The following MGST2 variants were observed in gnomAD, a reference collection of about 807,000 sequenced individuals.
MGST2 encodes the protein glutathione peroxidase MGST2.
Under a neutral mutation model 16.6 loss-of-function variants are expected in MGST2, and 9 were observed. The observed-to-expected ratio is 0.54, with a 90% CI of 0.33 to 0.95. The LOEUF is 0.95. MGST2 is among the 40% of genes least tolerant of loss of function. MGST2 has a pLI of 0.03. For synonymous variants in MGST2, 79 were observed against 68.0 expected, an observed-to-expected ratio of 1.16 and a Z score of -0.79; for missense variants, 159 against 175.1, an observed-to-expected ratio of 0.91 and a Z score of 0.52.
At chr4:139,737,476 G>T (rs1728991891) in intron 5 of MGST2, among the ~76,000 whole-genome samples, 1 of 152,000 alleles carries the variant, frequency 6.6e-6, no homozygotes, top group African/African-American at 2.4e-5. Context: ...AAGGGGGTGG[G>T]GAGAGGAATG....
At chr4:139,752,791 C>T in the MGST2 span, among the ~76,000 whole-genome samples, 1 of 152,190 alleles carries the variant, frequency 6.6e-6, no homozygotes, top group African/African-American at 2.4e-5. Flanking sequence ...AAGCTAGAGG[C>T]AGGCAATAAT....
At chr4:139,684,308 C>A (rs1579304467) in intron 2 of MGST2, among the ~76,000 whole-genome samples, 1 of 152,258 alleles carries the variant, frequency 6.6e-6, no homozygotes, top group African/African-American at 2.4e-5. Flanking sequence ...CAATTACCTC[C>A]CACCAGGTCC....
chr4:139,671,857 G>A (rs894611289), intron 1 of MGST2, among the ~76,000 whole-genome samples: 5 of 152,076 alleles, frequency 3.3e-5, no homozygotes, highest in African/African-American at 1.2e-4. Flanking sequence ...GGCCAGGCTG[G>A]TCTTGATCAC....
At chr4:139,744,199 T>C (rs1216097396), downstream of MGST2, among the ~76,000 whole-genome samples, 4 of 152,222 alleles carry the variant, frequency 2.6e-5, no homozygotes, top group Non-Finnish European at 5.9e-5. Context: ...ATTGCCAGGG[T>C]GGCTGACCTA....
chr4:139,691,688 G>GATT (rs1491530941), intron 2 of MGST2, among the ~76,000 whole-genome samples: 74 of 139,520 alleles, frequency 5.3e-4, no homozygotes, highest in East Asian at 1.4e-3. Flanking sequence ...TGATGATGAT[G>GATT]ATGATGATGA....
At chr4:139,703,173 C>A (rs528026065) in intron 3 of MGST2, among the ~76,000 whole-genome samples, 1 of 151,882 alleles carries the variant, frequency 6.6e-6, no homozygotes, top group Admixed American at 6.6e-5. Flanking sequence ...TGATTCACCC[C>A]CCCTCGGCCT....
intron 1 of MGST2, among the ~76,000 whole-genome samples, chr4:139,670,920 A>T (rs1730656200): frequency 6.6e-6 from 1 of 151,894 alleles, no homozygotes. Flanking sequence ...AAAAAAAAAA[A>T]AGATAAAGAG....
intron 1 of MGST2, among the ~76,000 whole-genome samples, chr4:139,677,035 A>G (rs767024463): frequency 1.3e-5 from 2 of 152,114 alleles, no homozygotes; most frequent in South Asian, 2.1e-4. Context: ...TCTGTATAAC[A>G]TGACTCCCTT....
intron 5 of MGST2, chr4:139,717,021 C>CTATT (rs1553949889): frequency 6.6e-6 from 1 of 152,468 alleles, no homozygotes; most frequent in Non-Finnish European, 1.5e-5. Context: ...TAAAAATACT[C>CTATT]TATTTTAAAC....
chr4:139,734,869 G>T (rs999704077), intron 5 of MGST2, among the ~76,000 whole-genome samples: 1 of 152,258 alleles, frequency 6.6e-6, no homozygotes, highest in Non-Finnish European at 1.5e-5. Context: ...CTGGGGTGAC[G>T]GGGACCCCGT....
At chr4:139,679,632 G>A (rs1731134647) in intron 2 of MGST2, among the ~76,000 whole-genome samples, 1 of 152,104 alleles carries the variant, frequency 6.6e-6, no homozygotes, top group South Asian at 2.1e-4. Flanking sequence ...GGTAGGCCTT[G>A]GTCCTTGAGA....
At chr4:139,720,430 A>C in intron 5 of MGST2, 1 of 960,812 alleles carries the variant, frequency 1.0e-6, no homozygotes, top group Non-Finnish European at 1.5e-6. Context: ...TTTATATGAA[A>C]GGATCTACTC....
At chr4:139,711,663 T>C (rs1293752470) in intron 5 of MGST2, among the ~76,000 whole-genome samples, 1 of 152,162 alleles carries the variant, frequency 6.6e-6, no homozygotes, top group African/African-American at 2.4e-5. Context: ...GCAAGGTCTT[T>C]ATGACATGTA....
intron 2 of MGST2, among the ~76,000 whole-genome samples, chr4:139,683,919 G>GTTTTT (rs34222679): frequency 1.6e-4 from 15 of 92,408 alleles, no homozygotes; most frequent in African/African-American, 2.4e-4. Context: ...TCAGTTTTGT[G>GTTTTT]TTTTTTTTTT....
At chr4:139,736,040 AAG>A (rs1728930414) in intron 5 of MGST2, among the ~76,000 whole-genome samples, 1 of 152,196 alleles carries the variant, frequency 6.6e-6, no homozygotes, top group Non-Finnish European at 1.5e-5. Context: ...CGTGGCAGGA[AAG>A]AGTAAAAATA....
At chr4:139,691,662 A>C (rs1156739730) in intron 2 of MGST2, among the ~76,000 whole-genome samples, 1 of 146,980 alleles carries the variant, frequency 6.8e-6, no homozygotes, top group Non-Finnish European at 1.5e-5. Context: ...CCCCACTGGC[A>C]GTCAGATGAT....
rs957099423 is a variant in MGST2 at position 139,665,852 on chromosome 4, C to T, written c.-168C>T. 4 of 712,404 alleles carry T rather than the reference C, an allele frequency of 5.6e-6. No homozygotes were observed. Among genetic ancestry groups the T allele is most frequent in the African/African-American group, 5.2e-5 (3 of 57,296 alleles). The allele number at this position is 712,404 out of a possible 1,614,324, so 44.1% of individuals were successfully genotyped here. ...CTGTGACCGGCAGCCCCAGACCTGC[C>T]TGCCTTCCTGACTTCTGTTCCAGAG... is the stretch of plus-strand genomic sequence containing the variant. On this transcript the variant is annotated 5_prime_UTR_variant, in exon 1 of 5. Coordinates refer to ENST00000265498, the MANE Select transcript of MGST2 (RefSeq NM_002413.5).
rs1476273642 is a variant in MGST2, at chr4:139,678,676, G to A, written c.158+34G>A. The stretch of plus-strand genomic sequence containing the variant: ...TGCTTCTTCCACCCTTCATGGATCT[G>A]TGCCTGCCATACAGACACAATTCCT... On this transcript the variant is annotated intron_variant, in intron 2 of 4. Coordinates refer to ENST00000265498, the MANE Select transcript of MGST2 (RefSeq NM_002413.5). 7 of 1,508,712 alleles carry A rather than the reference G, an allele frequency of 4.6e-6. No individual in the cohort carries two copies. In the East Asian group the frequency reaches 1.4e-4, roughly 29 times the overall value. 93.5% of individuals were successfully genotyped at this position (1,508,712 alleles called of 1,614,324 possible).
chr4:139,709,071 ATTTT>A (rs377191495), downstream of MGST2, among the ~76,000 whole-genome samples: 3 of 81,968 alleles, frequency 3.7e-5, 1 homozygote, highest in East Asian at 4.9e-4. Context: ...AATGGAAAAA[ATTTT>A]TTTTTTTTTT....
Sources: allele counts gnomAD v4.1 joint callset (sites outside exome capture counted in the v4.1 genomes callset), GRCh38; gene constraint gnomAD v4.1.1; transcripts MANE v1.5; gene names NCBI Gene and HGNC (gene_info 2026-07-23, HGNC 2026-07-21).